Variants in GFI1B observed in about 807,000 individuals in gnomAD.
The protein encoded by GFI1B is growth factor independent 1B transcriptional repressor, also known as zinc finger protein Gfi-1b.
GFI1B carries 20 observed loss-of-function variants against 35.3 expected under a neutral mutation model. The ratio of observed to expected loss-of-function variants is 0.57; its 90% confidence interval spans 0.40 to 0.82. GFI1B has a LOEUF of 0.82. GFI1B is among the 40% of genes least tolerant of loss of function. The pLI is 0.00. For synonymous variants in GFI1B, 178 were observed against 177.6 expected, an observed-to-expected ratio of 1.00 and a Z score of -0.02; for missense variants, 430 against 446.3, an observed-to-expected ratio of 0.96 and a Z score of 0.33.
chr9:132,947,088 C>G (rs908974915), intron 1 of GFI1B: 1 of 152,378 alleles, frequency 6.6e-6, no homozygotes, highest in Non-Finnish European at 1.5e-5. Flanking sequence ...ACCTTCCATA[C>G]ACCACCCTGG....
upstream of GFI1B, among the ~76,000 whole-genome samples, chr9:132,974,044 G>A (rs1848580477): frequency 6.6e-6 from 1 of 152,198 alleles, no homozygotes; most frequent in Non-Finnish European, 1.5e-5. Flanking sequence ...TAGGCCCAGA[G>A]ATAAGAGCCG....
chr9:132,985,597 C>G (rs1054717334), intron 1 of GFI1B, among the ~76,000 whole-genome samples: 1 of 152,148 alleles, frequency 6.6e-6, no homozygotes, highest in Non-Finnish European at 1.5e-5. Flanking sequence ...CGTGCTCTGG[C>G]GGCTGTGGCT....
chr9:132,991,005 G>C lies in GFI1B; in HGVS notation c.948G>C (p.Lys316Asn). 1 of 1,614,190 alleles carries C rather than the reference G, an allele frequency of 6.2e-7. No individual in the cohort carries two copies. The highest frequency in any genetic ancestry group is 8.5e-7 in the Non-Finnish European group (1 of 1,180,008). ...TGTGCACCAAAGGCTTCCAGCGCAAGGTGGACCTGCGGCGGCACCGCGAGA... is the reference window on the plus strand; with the variant it reads ...TGTGCACCAAAGGCTTCCAGCGCAACGTGGACCTGCGGCGGCACCGCGAGA... ...CELCTKGFQR[K>N]VDLRRHRESQ... Residue 316 changes from lysine to asparagine, a missense_variant, in exon 7 of 7, where the codon AAG becomes AAC. Coordinates refer to ENST00000372122, the MANE Select transcript of GFI1B (RefSeq NM_001377304.1).
intron 1 of GFI1B, among the ~76,000 whole-genome samples, chr9:132,971,160 G>C (rs1007444905): frequency 6.6e-6 from 1 of 152,164 alleles, no homozygotes; most frequent in African/African-American, 2.4e-5. Context: ...CACTGCGCCC[G>C]GCCCAGATGG....
intron 1 of GFI1B, among the ~76,000 whole-genome samples, chr9:132,981,559 G>A (rs1848820861): frequency 6.6e-6 from 1 of 152,004 alleles, no homozygotes; most frequent in South Asian, 2.1e-4. Context: ...GATCGCTTGG[G>A]CCTGGGAGGT....
intron 1 of GFI1B, among the ~76,000 whole-genome samples, chr9:132,982,508 G>A (rs577538890): frequency 8.5e-5 from 13 of 152,300 alleles, no homozygotes; most frequent in South Asian, 6.2e-4. Context: ...TATCAGGATC[G>A]GGGGTTATGG....
chr9:132,966,994 T>C (rs192257612), intron 1 of GFI1B, among the ~76,000 whole-genome samples: 3 of 152,332 alleles, frequency 2.0e-5, no homozygotes, highest in Admixed American at 2.0e-4. Context: ...AAACTCATTT[T>C]GAAATTAATT....
chr9:132,974,648 G>A (rs1019503339), upstream of GFI1B, among the ~76,000 whole-genome samples: 3 of 145,042 alleles, frequency 2.1e-5, no homozygotes, highest in Admixed American at 2.1e-4. Flanking sequence ...GATATTTTCA[G>A]ATAAGTGTGA....
intron 4 of GFI1B, 61 bp downstream of exon 4, chr9:132,988,529 A>G (rs1564179183): frequency 2.0e-6 from 3 of 1,487,190 alleles, no homozygotes; most frequent in Non-Finnish European, 2.8e-6. Flanking sequence ...CTCTCAACTC[A>G]CTGGCAGCTC....
chr9:132,975,484 C>G (rs745488959), upstream of GFI1B, among the ~76,000 whole-genome samples: 1 of 152,190 alleles, frequency 6.6e-6, no homozygotes, highest in Non-Finnish European at 1.5e-5. Flanking sequence ...TCACCAACCC[C>G]CCCAAGCCTG....
chr9:132,973,834 C>T (rs1330546331), upstream of GFI1B, among the ~76,000 whole-genome samples: 3 of 152,190 alleles, frequency 2.0e-5, no homozygotes, highest in African/African-American at 7.2e-5. Context: ...CTCAAACCCA[C>T]CTCTTCCTCT....
At chr9:132,976,127 C>T (rs575163815), upstream of GFI1B, among the ~76,000 whole-genome samples, 2 of 152,284 alleles carry the variant, frequency 1.3e-5, no homozygotes, top group African/African-American at 4.8e-5. Flanking sequence ...AGTTGAACTG[C>T]ATGTGCCTGA....
upstream of GFI1B, chr9:132,974,982 G>T (rs547008696): frequency 2.0e-4 from 30 of 152,104 alleles, no homozygotes; most frequent in African/African-American, 7.0e-4. Flanking sequence ...TTGTGTTTCT[G>T]TACTGGGCAC....
At chr9:132,947,580 A>G (rs975738570) in intron 1 of GFI1B, among the ~76,000 whole-genome samples, 1 of 152,050 alleles carries the variant, frequency 6.6e-6, no homozygotes, top group Non-Finnish European at 1.5e-5. Context: ...AGGCCAAGGC[A>G]GGTAGATGGC....
chr9:132,985,008 C>T (rs901911807), intron 1 of GFI1B, among the ~76,000 whole-genome samples: 2 of 152,158 alleles, frequency 1.3e-5, no homozygotes, highest in Non-Finnish European at 2.9e-5. Context: ...AGCTGTGATC[C>T]CTCTCCCGCC....
intron 6 of GFI1B, among the ~76,000 whole-genome samples, chr9:132,990,354 C>G (rs1019864735): frequency 1.3e-5 from 2 of 151,882 alleles, no homozygotes; most frequent in South Asian, 4.2e-4. Context: ...CACTCATTTG[C>G]TCATTCATTT....
At chr9:132,957,997 C>T (rs1588408899) in intron 1 of GFI1B, among the ~76,000 whole-genome samples, 1 of 152,122 alleles carries the variant, frequency 6.6e-6, no homozygotes, top group Non-Finnish European at 1.5e-5. Flanking sequence ...GAGACTTGCC[C>T]CAGTCACCGG....
At chr9:132,954,848 A>G (rs995034704) in intron 1 of GFI1B, among the ~76,000 whole-genome samples, 7 of 151,798 alleles carry the variant, frequency 4.6e-5, no homozygotes, top group African/African-American at 1.5e-4. Flanking sequence ...CCTCCCGAGT[A>G]GCTGGGACTA....
chr9:132,988,146 C>T, intron 3 of GFI1B, 51 bp from the exon 4 acceptor site: 1 of 1,576,714 alleles, frequency 6.3e-7, no homozygotes, highest in Non-Finnish European at 8.7e-7. Context: ...CCACTGTGCC[C>T]AACCCCCTGT....
Sources: gnomAD v4.1 joint callset for allele counts (sites outside exome capture counted in the v4.1 genomes callset) on GRCh38, gnomAD v4.1.1 for gene constraint, MANE v1.5 for transcripts, NCBI Gene and HGNC (gene_info 2026-07-23, HGNC 2026-07-21) for gene names.